Variants in SLCO6A1 observed in about 807,000 individuals in gnomAD.
SLCO6A1 encodes the protein solute carrier organic anion transporter family member 6A1, also known as cancer/testis antigen 48.
Under a neutral mutation model 72.7 loss-of-function variants are expected in SLCO6A1, and 65 were observed. The ratio of observed to expected loss-of-function variants is 0.89; its 90% CI spans 0.73 to 1.10. SLCO6A1 has a LOEUF of 1.10. Ranked by LOEUF, SLCO6A1 falls within the 50% of genes least tolerant of loss-of-function variation. SLCO6A1 has a pLI of 0.00. For missense variants in SLCO6A1, 874 were observed against 872.6 expected, an observed-to-expected ratio of 1.00 and a Z score of -0.02; for synonymous variants, 314 against 298.2, an observed-to-expected ratio of 1.05 and a Z score of -0.55.
At chr5:102,388,255 A>G (rs1306233254) in intron 12 of SLCO6A1, among the ~76,000 whole-genome samples, 1 of 152,148 alleles carries the variant, frequency 6.6e-6, no homozygotes, top group Non-Finnish European at 1.5e-5. Context: ...TACATATTTA[A>G]CTCACTGACT....
chr5:102,447,860 A>G (rs1718303773), intron 6 of SLCO6A1, among the ~76,000 whole-genome samples: 1 of 151,880 alleles, frequency 6.6e-6, no homozygotes, highest in Non-Finnish European at 1.5e-5. Context: ...GGTTTTTCTC[A>G]TCTGCGTTTT....
chr5:102,416,245 T>C (rs1005862863), intron 8 of SLCO6A1, among the ~76,000 whole-genome samples: 19 of 152,022 alleles, frequency 1.2e-4, no homozygotes, highest in African/African-American at 4.3e-4. Flanking sequence ...ATCAAAAAGA[T>C]ATCTGTAGTT....
intron 7 of SLCO6A1, among the ~76,000 whole-genome samples, chr5:102,421,538 G>A (rs570482479): frequency 1.3e-5 from 2 of 152,270 alleles, no homozygotes; most frequent in East Asian, 1.9e-4. Flanking sequence ...CCAACAGCAC[G>A]GCAAAGCCAG....
At chr5:102,394,049 G>A (rs150600650) in intron 10 of SLCO6A1, among the ~76,000 whole-genome samples, 31 of 152,254 alleles carry the variant, frequency 2.0e-4, no homozygotes, top group African/African-American at 7.2e-4. Context: ...AGCATCTAGC[G>A]TGCATCAAGA....
At chr5:102,438,555 C>G (rs1018981395) in intron 7 of SLCO6A1, 62 bp downstream of exon 7, 2 of 1,272,724 alleles carry the variant, frequency 1.6e-6, no homozygotes, top group Non-Finnish European at 2.1e-6. Context: ...TCAAGTATTT[C>G]ATAAGTACAT....
At chr5:102,373,749 A>T (rs1745620329) in intron 12 of SLCO6A1, among the ~76,000 whole-genome samples, 1 of 152,156 alleles carries the variant, frequency 6.6e-6, no homozygotes, top group Non-Finnish European at 1.5e-5. Context: ...TACCTCATAG[A>T]CTGTGTTAAT....
chr5:102,477,859 T>C lies in SLCO6A1; in HGVS notation c.619A>G (p.Ile207Val). 1 of 1,593,994 alleles carries C rather than the reference T, an allele frequency of 6.3e-7. No homozygotes were observed. The highest frequency in any genetic ancestry group is 8.6e-7 in the Non-Finnish European group (1 of 1,168,768). Residue 207 changes from isoleucine (I) to valine (V), a missense_variant and splice_region_variant, in exon 3 of 14, where the codon ATT becomes GTT. Ile to Val is a conservative substitution (Grantham distance 29, BLOSUM62 3). Coordinates refer to ENST00000506729, the MANE Select transcript of SLCO6A1 (RefSeq NM_173488.5). ...CTGACAACCTTTATTTCTTCGCAAA[T>C]ATCTTTTGAAAATACAATGATTATA... The part of the protein sequence containing the change: ...NKQSKVGIED[I>V]CEEIKVVSGC...
chr5:102,416,633 A>G (rs186243329), intron 8 of SLCO6A1, among the ~76,000 whole-genome samples: 163 of 152,206 alleles, frequency 1.1e-3, no homozygotes, highest in African/African-American at 3.8e-3. Flanking sequence ...GGTATAATGT[A>G]TATTATTTGG....
rs181243378 is a variant in SLCO6A1, at chr5:102,453,074, G to A, written c.1131+5308C>T. 2.1e-3 allele frequency among the ~76,000 whole-genome samples: 318 copies of A among 152,134 alleles called. 3 individuals carry two copies. The highest frequency in any genetic ancestry group is 7.3e-3 in the African/African-American group (302 of 41,520). On this transcript the variant is annotated intron_variant, in intron 6 of 13. Transcript: ENST00000506729. The stretch of plus-strand genomic sequence containing the variant: ...TTCCACTCTTTTATCAAGATAAAAG[G>A]AAACTTTGGTTATGTAGTCCCCCTA...
chr5:102,413,280 G>T, intron 8 of SLCO6A1, 137 bp from the exon 9 acceptor site: 1 of 778,046 alleles, frequency 1.3e-6, no homozygotes, highest in Non-Finnish European at 1.9e-6. Flanking sequence ...TGAGGTCTGA[G>T]GTACAATAGA....
Position 102,459,639 on chromosome 5 carries a change from T to C in SLCO6A1, c.1021+17A>G, listed in dbSNP as rs1471117591. Reference sequence around the variant, plus strand: ...AACTACTATCCTCCAATTTAATAAATTACATTTTATAGTCACCTGGCATAT... The same window carrying C: ...AACTACTATCCTCCAATTTAATAAACTACATTTTATAGTCACCTGGCATAT... On this transcript the variant is annotated intron_variant, in intron 5 of 13. Coordinates refer to ENST00000506729, the MANE Select transcript of SLCO6A1 (RefSeq NM_173488.5). 2 of 1,570,196 alleles carry C rather than the reference T, an allele frequency of 1.3e-6. No individual in the cohort carries two copies. The highest frequency in any genetic ancestry group is 1.4e-5 in the African/African-American group (1 of 72,034).
chr5:102,472,974 G>T (rs1751704497), intron 4 of SLCO6A1, among the ~76,000 whole-genome samples: 1 of 151,956 alleles, frequency 6.6e-6, no homozygotes, highest in South Asian at 2.1e-4. Context: ...TAAGGTGATT[G>T]AATCAGCCAT....
chr5:102,399,780 A>C (rs1747300797), intron 9 of SLCO6A1, 38 bp from the exon 10 acceptor site: 1 of 1,395,232 alleles, frequency 7.2e-7, no homozygotes, highest in Non-Finnish European at 9.6e-7. Flanking sequence ...CTTTCAGAAA[A>C]ATAGTCATAA....
chr5:102,392,418 T>C (rs138325391), intron 10 of SLCO6A1, among the ~76,000 whole-genome samples: 1 of 152,054 alleles, frequency 6.6e-6, no homozygotes, highest in Non-Finnish European at 1.5e-5. Flanking sequence ...TAATTCAGTG[T>C]TCTCCTTTAT....
At chr5:102,425,195 T>C (rs2400742) in intron 7 of SLCO6A1, among the ~76,000 whole-genome samples, 98,119 of 152,040 alleles carry the variant, frequency 0.65, 31,854 homozygotes, top group African/African-American at 0.66. Flanking sequence ...AAGCATTCCC[T>C]TTGAAAACTG....
rs574405666 is a variant in SLCO6A1 at position 102,492,341 on chromosome 5, G to GA, written c.358+6145dup. Among the ~76,000 whole-genome samples the GA allele has an allele frequency of 4.4e-3, 662 of 151,906 alleles. 2 individuals carry two copies. Among genetic ancestry groups the GA allele is most frequent in the Non-Finnish European group, 5.7e-3 (386 of 67,920 alleles). On this transcript the variant is annotated intron_variant, in intron 1 of 13. Coordinates refer to ENST00000506729, the MANE Select transcript of SLCO6A1 (RefSeq NM_173488.5). ...AAATCAGAAACACTGCAGCAGAAAT[G>GA]AAAAAAAATGTCTTTGATGACCTCC... is the stretch of plus-strand genomic sequence containing the variant.
chr5:102,380,341 G>A (rs1398199832), intron 12 of SLCO6A1, among the ~76,000 whole-genome samples: 2 of 151,946 alleles, frequency 1.3e-5, no homozygotes, highest in Non-Finnish European at 2.9e-5. Flanking sequence ...TTCATTTGAG[G>A]TAAAAGCATT....
chr5:102,392,423 C>T (rs1417655547), intron 10 of SLCO6A1, among the ~76,000 whole-genome samples: 5 of 151,850 alleles, frequency 3.3e-5, no homozygotes, highest in African/African-American at 1.2e-4. Flanking sequence ...CAGTGTTCTC[C>T]TTTATTTAGC....
At chr5:102,380,854 A>G (rs987149032) in intron 12 of SLCO6A1, among the ~76,000 whole-genome samples, 5 of 151,994 alleles carry the variant, frequency 3.3e-5, no homozygotes, top group Non-Finnish European at 5.9e-5. Flanking sequence ...AGCTATCTTC[A>G]GCAGTTTACT....
Sources: allele counts gnomAD v4.1 joint callset (sites outside exome capture counted in the v4.1 genomes callset), GRCh38; gene constraint gnomAD v4.1.1; transcripts MANE v1.5; gene names NCBI Gene and HGNC (gene_info 2026-07-23, HGNC 2026-07-21).